Variants in AKR1C3 observed in about 807,000 individuals in gnomAD.
The protein encoded by AKR1C3 is 3-alpha hydroxysteroid dehydrogenase, type II.
AKR1C3 carries 48 observed loss-of-function variants against 43.6 expected under a neutral mutation model. The ratio of observed to expected loss-of-function variants is 1.10; its 90% CI spans 0.87 to 1.40. AKR1C3 has a LOEUF of 1.40. Ranked by LOEUF, AKR1C3 falls within the 40% of genes most tolerant of loss-of-function variation. The probability of loss-of-function intolerance (pLI) is 0.00; values close to 1 mark genes in which losing one functional copy is unlikely to be tolerated. For synonymous variants in AKR1C3, 162 were observed against 139.6 expected (o/e 1.16, Z -1.13); for missense variants, 482 against 391.2 (o/e 1.23, Z -1.96).
intron 1 of AKR1C3, 40 bp downstream of exon 1, chr10:5,094,568 T>TAAACCTAGTAGAAGTG (rs1554784888): frequency 6.2e-7 from 1 of 1,604,214 alleles, no homozygotes; most frequent in Admixed American, 1.7e-5. Context: ...TTCAAAAGAA[T>TAAACCTAGTAGAAGTG]AAACCTAGTA....
intron 7 of AKR1C3, among the ~76,000 whole-genome samples, chr10:5,104,359 G>A (rs782164843): frequency 5.4e-5 from 8 of 149,292 alleles, no homozygotes; most frequent in Middle Eastern, 3.4e-3. Flanking sequence ...TTATTGAAAA[G>A]CATTCACATT....
At chr10:5,093,066 C>G (rs1839130581), upstream of AKR1C3, among the ~76,000 whole-genome samples, 1 of 151,936 alleles carries the variant, frequency 6.6e-6, no homozygotes, top group South Asian at 2.1e-4. Flanking sequence ...ATTAGTAGTT[C>G]CCCCAAATAC....
At position 5,072,153 on chromosome 10, in the gene AKR1C3, C is replaced by T. The variant is rs180671807; in HGVS notation, c.84+23258C>T. Among the ~76,000 whole-genome samples the T allele has an allele frequency of 3.2e-3, 494 of 152,262 alleles. 2 individuals carry two copies. The highest frequency in any genetic ancestry group is 5.1e-3 in the Non-Finnish European group (345 of 68,024). Reference sequence around the variant, plus strand: ...ATCTCTGGGTTCTAGTACTATTGAGCAGCAATTTAAGTATTAGGGATTTAC... The same window carrying T: ...ATCTCTGGGTTCTAGTACTATTGAGTAGCAATTTAAGTATTAGGGATTTAC... On this transcript the variant is annotated intron_variant, in intron 1 of 8. Transcript: ENST00000439082.
At chr10:5,063,764 G>GA (rs1406943359) in intron 1 of AKR1C3, among the ~76,000 whole-genome samples, 5 of 33,446 alleles carry the variant, frequency 1.5e-4, no homozygotes, top group East Asian at 7.1e-4. Context: ...CTCTGTCTCA[G>GA]CAAAAAAAAA....
intron 7 of AKR1C3, among the ~76,000 whole-genome samples, chr10:5,103,331 CTGTT>C (rs150632748): frequency 0.28 from 42,035 of 151,788 alleles, 6,660 homozygotes; most frequent in Non-Finnish European, 0.36. Context: ...TGTGTACTGC[CTGTT>C]TAAGTCTTTC....
At chr10:5,072,072 C>G (rs1224296362) in intron 1 of AKR1C3, among the ~76,000 whole-genome samples, 1 of 152,048 alleles carries the variant, frequency 6.6e-6, no homozygotes, top group Non-Finnish European at 1.5e-5. Context: ...TTTTCTGGCT[C>G]TTATGATTTA....
chr10:5,078,126 T>G, intron 1 of AKR1C3: 1 of 525,324 alleles, frequency 1.9e-6, no homozygotes, highest in Non-Finnish European at 3.3e-6. Context: ...ACTAGAGTGA[T>G]TCAAAAATAA....
chr10:5,086,019 A>C (rs1838957074), intron 1 of AKR1C3, among the ~76,000 whole-genome samples: 1 of 151,770 alleles, frequency 6.6e-6, no homozygotes, highest in Non-Finnish European at 1.5e-5. Flanking sequence ...ATCTTTTCAA[A>C]AAACCAGCTC....
upstream of AKR1C3, chr10:5,094,376 G>C (rs1339616828): frequency 9.6e-6 from 15 of 1,570,524 alleles, no homozygotes; most frequent in Non-Finnish European, 1.3e-5. Flanking sequence ...GGGGTTTCCT[G>C]CCCATTGTTT....
At chr10:5,054,219 T>C in intron 1 of AKR1C3, among the ~76,000 whole-genome samples, 1 of 152,216 alleles carries the variant, frequency 6.6e-6, no homozygotes, top group Non-Finnish European at 1.5e-5. Context: ...CCAAAGAGTC[T>C]ATTTGGGATT....
At chr10:5,084,839 A>T (rs1438909374) in intron 1 of AKR1C3, among the ~76,000 whole-genome samples, 1 of 152,290 alleles carries the variant, frequency 6.6e-6, no homozygotes, top group Middle Eastern at 3.4e-3. Flanking sequence ...CTTTGAAGCA[A>T]TTATGAATAG....
At chr10:5,104,758 T>A (rs1839456899) in intron 7 of AKR1C3, among the ~76,000 whole-genome samples, 1 of 152,174 alleles carries the variant, frequency 6.6e-6, no homozygotes, top group South Asian at 2.1e-4. Context: ...ATTAATTTTA[T>A]AACATTCTCC....
At chr10:5,103,177 C>T (rs12244591) in intron 7 of AKR1C3, among the ~76,000 whole-genome samples, 39,764 of 152,048 alleles carry the variant, frequency 0.26, 5,427 homozygotes, top group Middle Eastern at 0.37. Context: ...TGTGAGCCAC[C>T]GCTCCTGGCC....
intron 7 of AKR1C3, among the ~76,000 whole-genome samples, chr10:5,104,461 T>C (rs1460326771): frequency 1.3e-5 from 2 of 152,174 alleles, no homozygotes; most frequent in Admixed American, 1.3e-4. Context: ...AATTGACTTA[T>C]TTACTTTTCT....
At chr10:5,094,578 A>C (rs782521018) in intron 1 of AKR1C3, 50 bp downstream of exon 1, 98 of 1,593,226 alleles carry the variant, frequency 6.2e-5, no homozygotes, top group Non-Finnish European at 8.3e-5. Flanking sequence ...TAAACCTAGT[A>C]GAAGTGAAAC....
chr10:5,063,283 A>T (rs1293780294), intron 1 of AKR1C3, among the ~76,000 whole-genome samples: 2 of 152,220 alleles, frequency 1.3e-5, no homozygotes, highest in Non-Finnish European at 2.9e-5. Flanking sequence ...GTTTTTATAT[A>T]AAATTTAAGT....
chr10:5,100,428 G>A (rs2131844561), intron 5 of AKR1C3, among the ~76,000 whole-genome samples: 1 of 152,268 alleles, frequency 6.6e-6, no homozygotes. Flanking sequence ...TCTCTTTGGG[G>A]TCTGTCATCC....
chr10:5,102,888 T>C (rs1839393890), intron 7 of AKR1C3, among the ~76,000 whole-genome samples: 1 of 152,030 alleles, frequency 6.6e-6, no homozygotes, highest in African/African-American at 2.4e-5. Context: ...AAGTTGACAA[T>C]CTACTCTGCA....
At chr10:5,079,486 G>T (rs2131815005) in intron 1 of AKR1C3, among the ~76,000 whole-genome samples, 1 of 152,162 alleles carries the variant, frequency 6.6e-6, no homozygotes, top group Non-Finnish European at 1.5e-5. Context: ...TTTCTCTGAG[G>T]CACACCCCAC....
Sources: gnomAD v4.1 joint callset for allele counts (sites outside exome capture counted in the v4.1 genomes callset) on GRCh38, gnomAD v4.1.1 for gene constraint, MANE v1.5 for transcripts, NCBI Gene and HGNC (gene_info 2026-07-23, HGNC 2026-07-21) for gene names.